GALNTL6: variants seen among roughly 807,000 people sequenced by gnomAD.
GALNTL6 encodes the protein polypeptide N-acetylgalactosaminyltransferase like 6, also known as polypeptide N-acetylgalactosaminyltransferase-like 6.
A neutral mutation model predicts 73.7 loss-of-function variants in GALNTL6; 46 were observed. The ratio of observed to expected loss-of-function variants is 0.62; its 90% CI spans 0.49 to 0.80. The LOEUF is 0.80. Ranked by LOEUF, GALNTL6 falls within the 30% of genes least tolerant of loss-of-function variation. The pLI is 0.00. For synonymous variants in GALNTL6, 259 were observed against 263.7 expected, an observed-to-expected ratio of 0.98 and a Z score of 0.17; for missense variants, 604 against 755.0, an observed-to-expected ratio of 0.80 and a Z score of 2.34.
At chr4:172,463,286 G>T (rs6856746) in intron 5 of GALNTL6, among the ~76,000 whole-genome samples, 7 of 151,158 alleles carry the variant, frequency 4.6e-5, no homozygotes, top group African/African-American at 1.2e-4. Context: ...CCCTCATAGG[G>T]AGCATAGGAT....
chr4:172,199,595 A>C (rs1467583942), intron 2 of GALNTL6, among the ~76,000 whole-genome samples: 2 of 152,216 alleles, frequency 1.3e-5, no homozygotes, highest in African/African-American at 4.8e-5. Context: ...CAACACAGGC[A>C]TTGAATCAAA....
At chr4:172,857,248 T>C (rs1372198829) in intron 7 of GALNTL6, among the ~76,000 whole-genome samples, 1 of 152,186 alleles carries the variant, frequency 6.6e-6, no homozygotes, top group East Asian at 1.9e-4. Flanking sequence ...TAGGGCAGTG[T>C]GCATCCAAAG....
intron 5 of GALNTL6, among the ~76,000 whole-genome samples, chr4:172,478,866 G>T (rs1733337017): frequency 1.3e-5 from 2 of 152,114 alleles, no homozygotes; most frequent in Non-Finnish European, 2.9e-5. Context: ...TGAACAGACA[G>T]TTCTCAAAAG....
chr4:171,876,519 G>A (rs969873753), intron 2 of GALNTL6, among the ~76,000 whole-genome samples: 2 of 152,116 alleles, frequency 1.3e-5, no homozygotes, highest in East Asian at 1.9e-4. Context: ...TTGAAGTAAC[G>A]TGTTAGCAAA....
intron 5 of GALNTL6, among the ~76,000 whole-genome samples, chr4:172,761,433 G>C (rs1461869788): frequency 6.6e-6 from 1 of 152,176 alleles, no homozygotes; most frequent in Non-Finnish European, 1.5e-5. Flanking sequence ...TAAGCTACTA[G>C]AGAAGACATT....
At chr4:172,173,113 T>G (rs1734885570) in intron 2 of GALNTL6, among the ~76,000 whole-genome samples, 1 of 152,206 alleles carries the variant, frequency 6.6e-6, no homozygotes, top group Admixed American at 6.5e-5. Context: ...GACACTATTC[T>G]TAAGGTAGAA....
At chr4:172,458,639 T>A (rs1462763447) in intron 5 of GALNTL6, among the ~76,000 whole-genome samples, 3 of 152,180 alleles carry the variant, frequency 2.0e-5, no homozygotes, top group Non-Finnish European at 4.4e-5. Flanking sequence ...GATAAATTCC[T>A]GGACACATAC....
At chr4:172,267,182 G>A (rs915696510) in intron 3 of GALNTL6, among the ~76,000 whole-genome samples, 1 of 151,978 alleles carries the variant, frequency 6.6e-6, no homozygotes, top group African/African-American at 2.4e-5. Context: ...AAATAGACTT[G>A]TTTGTTTAAT....
chr4:171,834,671 C>T (rs1430463300), intron 2 of GALNTL6, among the ~76,000 whole-genome samples: 2 of 151,938 alleles, frequency 1.3e-5, no homozygotes, highest in South Asian at 4.1e-4. Flanking sequence ...GGAGGAAACA[C>T]TAGTGCTTGA....
At chr4:172,147,234 C>T (rs1208427247) in intron 2 of GALNTL6, among the ~76,000 whole-genome samples, 1 of 152,126 alleles carries the variant, frequency 6.6e-6, no homozygotes, top group Non-Finnish European at 1.5e-5. Context: ...GTATTTGCTT[C>T]ATTATGCAAA....
At chr4:172,324,238 A>G (rs333384) in intron 4 of GALNTL6, among the ~76,000 whole-genome samples, 26,604 of 151,906 alleles carry the variant, frequency 0.18, 2,412 homozygotes, top group East Asian at 0.36. Context: ...AGATTATATT[A>G]TCAGGTAAAG....
intron 2 of GALNTL6, among the ~76,000 whole-genome samples, chr4:172,032,061 C>A (rs1010710477): frequency 6.6e-6 from 1 of 151,950 alleles, no homozygotes; most frequent in Non-Finnish European, 1.5e-5. Context: ...GTCACAAAAA[C>A]CAGTAAAGGA....
intron 2 of GALNTL6, among the ~76,000 whole-genome samples, chr4:171,970,863 G>A (rs1739549986): frequency 6.6e-6 from 1 of 152,142 alleles, no homozygotes. Context: ...AAGTTTCGGA[G>A]CTAATGATTA....
At chr4:172,281,064 G>A (rs1214388189) in intron 3 of GALNTL6, among the ~76,000 whole-genome samples, 1 of 151,980 alleles carries the variant, frequency 6.6e-6, no homozygotes, top group African/African-American at 2.4e-5. Context: ...TGCTACTTAG[G>A]AGGCTGAGGC....
At chr4:172,355,787 A>C (rs1431605983) in intron 5 of GALNTL6, among the ~76,000 whole-genome samples, 2 of 152,118 alleles carry the variant, frequency 1.3e-5, no homozygotes, top group Non-Finnish European at 2.9e-5. Context: ...TTTCTAACTC[A>C]CATTTCACTT....
At chr4:172,883,901 C>G (rs1184944623) in intron 8 of GALNTL6, among the ~76,000 whole-genome samples, 3 of 151,912 alleles carry the variant, frequency 2.0e-5, no homozygotes, top group Non-Finnish European at 4.4e-5. Flanking sequence ...TTTTCTATGC[C>G]TGATTTATTT....
chr4:172,778,545 G>A (rs1334603948), intron 5 of GALNTL6, among the ~76,000 whole-genome samples: 1 of 152,140 alleles, frequency 6.6e-6, no homozygotes, highest in Non-Finnish European at 1.5e-5. Context: ...TCACTGAGAA[G>A]CAGACCCCAC....
intron 5 of GALNTL6, among the ~76,000 whole-genome samples, chr4:172,641,689 G>A (rs1475659235): frequency 4.6e-5 from 7 of 151,886 alleles, no homozygotes; most frequent in Admixed American, 4.6e-4. Context: ...CTTTATTCAT[G>A]ACATTACTTA....
chr4:172,960,279 A>C (rs1263140830), intron 10 of GALNTL6, among the ~76,000 whole-genome samples: 1 of 152,170 alleles, frequency 6.6e-6, no homozygotes, highest in Non-Finnish European at 1.5e-5. Flanking sequence ...AGGAGCATTA[A>C]CCTTGACTAT....
Sources: allele counts gnomAD v4.1 joint callset (sites outside exome capture counted in the v4.1 genomes callset), GRCh38; gene constraint gnomAD v4.1.1; transcripts MANE v1.5; gene names NCBI Gene and HGNC (gene_info 2026-07-23, HGNC 2026-07-21).